Variants in RGS10 observed in about 807,000 individuals in gnomAD.
RGS10 encodes the protein regulator of G-protein signalling 10.
RGS10 carries 11 observed loss-of-function variants against 23.5 expected under a neutral mutation model. That is an observed-to-expected ratio of 0.47 (90% CI 0.29 to 0.77). The LOEUF is 0.77. RGS10 is among the 30% of genes least tolerant of loss of function. RGS10 has a pLI of 0.08. For synonymous variants in RGS10, 77 were observed against 83.2 expected (o/e 0.92, Z 0.41); for missense variants, 180 against 226.3 (o/e 0.80, Z 1.31).
intron 1 of RGS10, chr10:119,536,548 C>G (rs1021836745): frequency 6.3e-7 from 1 of 1,585,054 alleles, no homozygotes; most frequent in Non-Finnish European, 8.6e-7. Flanking sequence ...GTGAGAAAGG[C>G]AGAGACTGGA....
rs1209472816 is a variant in RGS10 at position 119,500,260 on chromosome 10, C to A, written c.400-1G>T. On this transcript the variant is annotated splice_acceptor_variant, in intron 4 of 4. Transcript: ENST00000369103. LOFTEE classifies it high-confidence loss of function. ...TGTCGTACTTCATGAGATTAAAGAT[C>A]TAAGGAGGAAAAGAAAAAAGAGTCT... 2 of 1,604,810 alleles carry A rather than the reference C, an allele frequency of 1.2e-6. No homozygotes were observed. The highest frequency in any genetic ancestry group is 1.3e-5 in the African/African-American group (1 of 74,136).
At chr10:119,507,475 G>A (rs541902199) in intron 4 of RGS10, among the ~76,000 whole-genome samples, 72 of 151,588 alleles carry the variant, frequency 4.7e-4, no homozygotes, top group African/African-American at 1.5e-3. Context: ...CCCCTCTTAC[G>A]TTCTGGGAAA....
intron 1 of RGS10, among the ~76,000 whole-genome samples, chr10:119,539,953 A>T (rs949671920): frequency 3.9e-5 from 2 of 51,266 alleles, no homozygotes; most frequent in Non-Finnish European, 1.1e-4. Context: ...AAATAATTCA[A>T]AATTACAAAA....
chr10:119,500,595 G>A (rs1401610911), intron 4 of RGS10, among the ~76,000 whole-genome samples: 1 of 151,714 alleles, frequency 6.6e-6, no homozygotes, highest in Non-Finnish European at 1.5e-5. Flanking sequence ...ATAAGACAAG[G>A]ATGTATTTCT....
At position 119,508,412 on chromosome 10, in the gene RGS10, G is replaced by A. The variant is rs1424267373; in HGVS notation, c.399+7097C>T. 6.6e-5 allele frequency among the ~76,000 whole-genome samples: 10 copies of A among 152,284 alleles called. No homozygotes were observed. In the South Asian group the frequency reaches 1.9e-3, roughly 28 times the overall value. ...CTCTTCCATGGACTGAGAAAGCCAC[G>A]AAGCTGCCATGTGCAATGATCTGGA... On this transcript the variant is annotated intron_variant, in intron 4 of 4. Transcript: ENST00000369103.
chr10:119,518,798 G>A lies in RGS10; in HGVS notation c.256-3146C>T, dbSNP rs748976489. ...CGGCTCACTGCAAGCTCTGCCTCCC[G>A]GGTTCAAGCAATTCTCCTGCTTCAA... On this transcript the variant is annotated intron_variant, in intron 3 of 4. Transcript: ENST00000369103. 1.8e-4 allele frequency among the ~76,000 whole-genome samples: 27 copies of A among 151,726 alleles called. 1 individual carries two copies. The Middle Eastern group carries it at 0.017, about 96-fold the overall frequency.
intron 3 of RGS10, among the ~76,000 whole-genome samples, chr10:119,525,315 T>C (rs1275925945): frequency 6.6e-6 from 1 of 152,174 alleles, no homozygotes; most frequent in African/African-American, 2.4e-5. Flanking sequence ...CTGCAGCCTG[T>C]GCAGGCAGAC....
rs150828535 is a variant in RGS10, at chr10:119,505,714, A to G, written c.400-5455T>C. Among the ~76,000 whole-genome samples, 26 of 152,340 alleles carry G rather than the reference A, an allele frequency of 1.7e-4. No homozygotes were observed. In the East Asian group the frequency reaches 5.0e-3, roughly 29 times the overall value. On this transcript the variant is annotated intron_variant, in intron 4 of 4. Coordinates refer to ENST00000369103, the MANE Select transcript of RGS10 (RefSeq NM_001005339.2). ...CCCCCTGACGCATACTCATCTGTGCAGAAACGAGGACCTCAACCAGCCTTG... is the reference window on the plus strand; with the variant it reads ...CCCCCTGACGCATACTCATCTGTGCGGAAACGAGGACCTCAACCAGCCTTG...
chr10:119,541,722 TC>T (rs1589845239), intron 1 of RGS10, among the ~76,000 whole-genome samples: 1 of 152,160 alleles, frequency 6.6e-6, no homozygotes, highest in African/African-American at 2.4e-5. Context: ...TTTGAAAGCC[TC>T]CCCATCACCT....
intron 3 of RGS10, among the ~76,000 whole-genome samples, chr10:119,522,663 A>G (rs1392412388): frequency 6.7e-6 from 1 of 150,372 alleles, no homozygotes; most frequent in Non-Finnish European, 1.5e-5. Context: ...GATTGCAGTG[A>G]GCAGAGATCG....
chr10:119,526,583 C>A (rs1260652332), intron 2 of RGS10, among the ~76,000 whole-genome samples: 3 of 152,176 alleles, frequency 2.0e-5, no homozygotes, highest in Non-Finnish European at 4.4e-5. Context: ...CTTGGGCAGT[C>A]CATGGCACAG....
At chr10:119,525,018 G>A (rs892522214) in intron 3 of RGS10, among the ~76,000 whole-genome samples, 3 of 151,210 alleles carry the variant, frequency 2.0e-5, no homozygotes, top group East Asian at 3.9e-4. Context: ...CTGGCAACGC[G>A]CAAGCCGCAT....
In RGS10 at chr10:119,542,646, G is replaced by A; in HGVS notation, c.-8C>T. Reference sequence around the variant, plus strand: ...CACGGCGCGGTTGAACATCGCCGCGGGCGCCCGAGGAGGAAGAAGGAGCAG... The same window carrying A: ...CACGGCGCGGTTGAACATCGCCGCGAGCGCCCGAGGAGGAAGAAGGAGCAG... On this transcript the variant is annotated 5_prime_UTR_variant, in exon 1 of 5. Transcript: ENST00000369103. The A allele has an allele frequency of 2.9e-6, 4 of 1,400,530 alleles. No individual in the cohort carries two copies. The highest frequency in any genetic ancestry group is 3.7e-6 in the Non-Finnish European group (4 of 1,073,764). 86.8% of individuals were successfully genotyped at this position (1,400,530 alleles called of 1,614,324 possible).
intron 3 of RGS10, 87 bp from the exon 4 acceptor site, chr10:119,515,739 G>A: frequency 6.5e-7 from 1 of 1,529,002 alleles, no homozygotes; most frequent in Non-Finnish European, 8.9e-7. Flanking sequence ...CAGGCCCACA[G>A]GAGCTGCTGT....
intron 4 of RGS10, among the ~76,000 whole-genome samples, chr10:119,506,470 G>A (rs926401442): frequency 2.0e-5 from 3 of 152,204 alleles, no homozygotes; most frequent in Admixed American, 1.3e-4. Flanking sequence ...GAGAGACCTC[G>A]CTTGGACGAT....
At chr10:119,512,440 C>T (rs1844089598) in intron 4 of RGS10, among the ~76,000 whole-genome samples, 1 of 152,150 alleles carries the variant, frequency 6.6e-6, no homozygotes, top group South Asian at 2.1e-4. Context: ...ACACAGGGGC[C>T]CTTCACATGG....
rs1202349474 is a variant in RGS10, at chr10:119,500,622, G to A, written c.400-363C>T. Among the ~76,000 whole-genome samples, 6 of 151,768 alleles carry A rather than the reference G, an allele frequency of 4.0e-5. No homozygotes were observed. In the East Asian group the frequency reaches 1.2e-3, roughly 29 times the overall value. On this transcript the variant is annotated intron_variant, in intron 4 of 4. Transcript: ENST00000369103. ...TGTATTTCTCCAAGAGCTTGAGACA[G>A]CCGAATAGAAACCATTTCTGTAGAG...
intron 1 of RGS10, among the ~76,000 whole-genome samples, chr10:119,533,890 G>C (rs1844357115): frequency 6.6e-6 from 1 of 151,970 alleles, no homozygotes; most frequent in African/African-American, 2.4e-5. Flanking sequence ...CAAATTTTTT[G>C]CATGCAAAAT....
At chr10:119,541,748 G>C (rs74526282) in intron 1 of RGS10, among the ~76,000 whole-genome samples, 1 of 152,294 alleles carries the variant, frequency 6.6e-6, no homozygotes, top group African/African-American at 2.4e-5. Flanking sequence ...AGTGTGACTG[G>C]GGCAAGTTAC....
Sources: allele counts gnomAD v4.1 joint callset (sites outside exome capture counted in the v4.1 genomes callset), GRCh38; gene constraint gnomAD v4.1.1; transcripts MANE v1.5; gene names NCBI Gene and HGNC (gene_info 2026-07-23, HGNC 2026-07-21).